ASB2: variants seen among roughly 807,000 people sequenced by gnomAD.
ASB2 encodes ankyrin repeat and SOCS box containing 2.
In ASB2, 58 loss-of-function variants were observed where a neutral mutation model predicts 62.4. That is an observed-to-expected ratio of 0.93 (90% CI 0.75 to 1.16). ASB2 has a LOEUF of 1.16. Among genes scored for constraint, ASB2 ranks in the 50% most tolerant of loss-of-function variants. The pLI, the probability that ASB2 is intolerant of heterozygous loss-of-function variation, is 0.00. For missense variants in ASB2, 928 were observed against 887.9 expected (o/e 1.05, Z -0.57); for synonymous variants, 386 against 385.3 (o/e 1.00, Z -0.02).
rs202020276 is a variant in ASB2, at chr14:93,951,171, G to A, written c.708C>T (p.Asn236=). 6.2e-7 allele frequency: 1 copy of A among 1,613,956 alleles called. No homozygotes were observed. Among genetic ancestry groups the A allele is most frequent in the East Asian group, 2.2e-5 (1 of 44,888 alleles). ...QHNADTNHRC[N]RGWTALHESV... ...ACTCGTGCAGAGCGGTCCAGCCGCG[G>A]TTGCAGCGGTGGTTGGTGTCTGCAT... Residue 236 remains asparagine, a synonymous_variant, in exon 6 of 10, where the codon AAC becomes AAT. Coordinates refer to ENST00000555019, the MANE Select transcript of ASB2 (RefSeq NM_001202429.2).
At chr14:93,967,315 C>G (rs1057014910) in intron 1 of ASB2, among the ~76,000 whole-genome samples, 5 of 150,244 alleles carry the variant, frequency 3.3e-5, no homozygotes, top group Admixed American at 6.7e-5. Context: ...GGGGAAGGGG[C>G]TCTGCCCAGT....
intron 3 of ASB2, 50 bp from the exon 4 acceptor site, chr14:93,954,533 C>T (rs567725621): frequency 6.4e-7 from 1 of 1,570,104 alleles, no homozygotes; most frequent in Admixed American, 1.7e-5. Context: ...CAAGGCCAGG[C>T]CAGGGGGCCT....
Position 93,934,584 on chromosome 14 carries a change from T to C in ASB2, c.*72A>G. On this transcript the variant is annotated 3_prime_UTR_variant, in exon 10 of 10. Coordinates refer to ENST00000555019, the MANE Select transcript of ASB2 (RefSeq NM_001202429.2). The stretch of plus-strand genomic sequence containing the variant: ...CGTCTGTCACCAGGTCCCCTTGGAG[T>C]TGGGAACACCGACGTCCTGAGACTT... The C allele has an allele frequency of 1.3e-6, 2 of 1,525,680 alleles. No individual in the cohort carries two copies. The highest frequency in any genetic ancestry group is 2.3e-5 in the East Asian group (1 of 44,098). The allele number at this position is 1,525,680 out of a possible 1,614,324, so 94.5% of individuals were successfully genotyped here.
At chr14:93,969,244 G>T (rs2096027813) in intron 1 of ASB2, among the ~76,000 whole-genome samples, 2 of 152,302 alleles carry the variant, frequency 1.3e-5, no homozygotes, top group South Asian at 4.2e-4. Flanking sequence ...TCGTAGGCTG[G>T]TGACAGCTGT....
At chr14:93,976,126 C>A (rs193132680) in intron 1 of ASB2, among the ~76,000 whole-genome samples, 180 of 152,350 alleles carry the variant, frequency 1.2e-3, no homozygotes, top group African/African-American at 4.1e-3. Context: ...GACCTACAGA[C>A]CCAACAATAG....
rs533513065 is a variant in ASB2 at position 93,947,393 on chromosome 14, G to A, written c.1008C>T (p.Asp336=). ...QGADANKTNK[D]GLLPLHIASK... ...AGGCGATGTGCAGCGGGAGCAAGCC[G>A]TCCTTGTTGGTCTTGTTGGCGTCGG... The change falls in exon 7 of 10, where the codon GAC becomes GAT. Residue 336 remains aspartate, a synonymous_variant. Coordinates refer to ENST00000555019, the MANE Select transcript of ASB2 (RefSeq NM_001202429.2). 6.3e-5 allele frequency: 102 copies of A among 1,614,200 alleles called. No homozygotes were observed. The highest frequency in any genetic ancestry group is 3.3e-4 in the Middle Eastern group (2 of 6,062).
At chr14:93,935,204 C>T (rs1888227989) in intron 9 of ASB2, among the ~76,000 whole-genome samples, 1 of 152,086 alleles carries the variant, frequency 6.6e-6, no homozygotes, top group African/African-American at 2.4e-5. Context: ...CTTAAGTGCC[C>T]CTACATGTGG....
intron 5 of ASB2, among the ~76,000 whole-genome samples, chr14:93,952,933 A>G (rs1889025325): frequency 1.3e-5 from 2 of 152,238 alleles, no homozygotes; most frequent in Admixed American, 6.5e-5. Flanking sequence ...ATGCTCTCGC[A>G]TACCTTCATG....
rs568488349 is a variant in ASB2 at position 93,962,205 on chromosome 14, C to T, written c.206+2129G>A. ...TCTCGGCTCACTGCAAGCTCCGCCT[C>T]CCGGGTTCACACCATTCTCCTGCCT... On this transcript the variant is annotated intron_variant, in intron 2 of 9. Coordinates refer to ENST00000555019, the MANE Select transcript of ASB2 (RefSeq NM_001202429.2). Among the ~76,000 whole-genome samples, 969 of 108,300 alleles carry T rather than the reference C, an allele frequency of 8.9e-3. 7 individuals are homozygous for T. Among genetic ancestry groups the T allele is most frequent in the African/African-American group, 0.03 (934 of 31,018 alleles). The allele number at this position is 108,300 out of a possible 152,430, so 71.0% of individuals were successfully genotyped here. A position where few individuals can be genotyped will look rare whatever the true frequency, so the allele number is the denominator to read the frequency against.
At chr14:93,953,547 T>C (rs1567026043) in intron 4 of ASB2, 40 bp from the exon 5 acceptor site, 4 of 1,525,102 alleles carry the variant, frequency 2.6e-6, no homozygotes, top group African/African-American at 1.4e-5. Context: ...AGGAGAAAGA[T>C]ACTCAGCCCC....
chr14:93,973,755 G>T (rs1434786902), intron 1 of ASB2, among the ~76,000 whole-genome samples: 1 of 151,450 alleles, frequency 6.6e-6, no homozygotes, highest in Non-Finnish European at 1.5e-5. Flanking sequence ...AGGATTCCAG[G>T]CCCCTGACCC....
At chr14:93,970,099 G>T (rs1889716988) in intron 1 of ASB2, 2 of 152,400 alleles carry the variant, frequency 1.3e-5, no homozygotes, top group African/African-American at 2.4e-5. Flanking sequence ...GACAGCCAGG[G>T]TCTGCCCGGG....
At chr14:93,971,398 C>G (rs1444005439) in intron 1 of ASB2, among the ~76,000 whole-genome samples, 1 of 152,242 alleles carries the variant, frequency 6.6e-6, no homozygotes, top group Non-Finnish European at 1.5e-5. Context: ...CTCACATCAT[C>G]TGCTGCCCTA....
At chr14:93,975,632 G>A (rs896722586) in intron 1 of ASB2, among the ~76,000 whole-genome samples, 4 of 152,106 alleles carry the variant, frequency 2.6e-5, no homozygotes, top group African/African-American at 9.7e-5. Context: ...CTCTCCCTCT[G>A]GCCTCCCCTT....
At position 93,951,030 on chromosome 14, in the gene ASB2, C is replaced by A. The variant is rs760813394; in HGVS notation, c.849G>T (p.Gln283His). 7 of 1,614,096 alleles carry A rather than the reference C, an allele frequency of 4.3e-6. No individual in the cohort carries two copies. The Admixed American group carries it at 1.2e-4, about 27-fold the overall frequency. The change falls in exon 6 of 10, where the codon CAG (glutamine) becomes CAT (histidine). Residue 283 changes from glutamine to histidine, a missense_variant. By Grantham distance (24) the Gln-to-His change is conservative. Transcript: ENST00000555019. ...TPLFVAAQSG[Q>H]LEALRFLAKY... is the part of the protein sequence containing the mutation. ...TGGCTAAGAACCTCAAGGCCTCCAACTGTCCACTCTGGGCGGCCACGAACA... is the reference window on the plus strand; with the variant it reads ...TGGCTAAGAACCTCAAGGCCTCCAAATGTCCACTCTGGGCGGCCACGAACA...
chr14:93,968,916 G>A (rs1308913357), intron 1 of ASB2, among the ~76,000 whole-genome samples: 2 of 152,208 alleles, frequency 1.3e-5, no homozygotes, highest in African/African-American at 4.8e-5. Context: ...AAGCACAGCT[G>A]TTATGGAGTT....
chr14:93,947,627 C>T (rs1022039674), intron 6 of ASB2, 107 bp from the exon 7 acceptor site: 15 of 1,149,794 alleles, frequency 1.3e-5, no homozygotes, highest in South Asian at 2.8e-5. Flanking sequence ...CGGTAATGCA[C>T]GGGACCTTTA....
intron 4 of ASB2, 130 bp from the exon 5 acceptor site, chr14:93,953,637 T>A (rs1310731525): frequency 1.3e-6 from 1 of 785,562 alleles, no homozygotes; most frequent in Non-Finnish European, 1.9e-6. Flanking sequence ...AACTACAGAC[T>A]GCATTCATCT....
chr14:93,953,351 C>T lies in ASB2; in HGVS notation c.634+1G>A, dbSNP rs1889043851. The stretch of plus-strand genomic sequence containing the variant: ...AGCTCACTCCGGGGTGGGGACCTCA[C>T]CTTTGTAGAGCGGTGTCTCTCGGGA... On this transcript the variant is annotated splice_donor_variant, in intron 5 of 9. Transcript: ENST00000555019. LOFTEE classifies it high-confidence loss of function. 6.3e-7 allele frequency: 1 copy of T among 1,575,526 alleles called. No individual in the cohort carries two copies. Among genetic ancestry groups the T allele is most frequent in the Non-Finnish European group, 8.7e-7 (1 of 1,151,440 alleles).
Sources: gnomAD v4.1 joint callset for allele counts (sites outside exome capture counted in the v4.1 genomes callset) on GRCh38, gnomAD v4.1.1 for gene constraint, MANE v1.5 for transcripts, NCBI Gene and HGNC (gene_info 2026-07-23, HGNC 2026-07-21) for gene names.